Variants in XKR3 observed in about 807,000 individuals in gnomAD.
XKR3 encodes XK-related protein 3.
A neutral mutation model predicts 40.3 loss-of-function variants in XKR3; 27 were observed. The observed-to-expected ratio is 0.67, with a 90% CI of 0.49 to 0.92. XKR3 has a LOEUF of 0.92. XKR3 is among the 40% of genes least tolerant of loss of function. The pLI is 0.00. For synonymous variants in XKR3, 193 were observed against 195.4 expected, an observed-to-expected ratio of 0.99 and a Z score of 0.10; for missense variants, 472 against 537.6, an observed-to-expected ratio of 0.88 and a Z score of 1.21.
chr22:16,807,864 G>A lies in XKR3; in HGVS notation c.210C>T (p.Thr70=), dbSNP rs778912775. The change falls in exon 2 of 4, where the codon ACC becomes ACT. Residue 70 remains threonine, a synonymous_variant. Coordinates refer to ENST00000684488, the MANE Select transcript of XKR3 (RefSeq NM_001386955.1). ...KANDTFWMSF[T]ISFIIVGAIL... ...TTGCCCCCACAATAATAAAGCTGAT[G>A]GTAAATGACATCCAGAATGTGTCAT... 3 of 1,613,942 alleles carry A rather than the reference G, an allele frequency of 1.9e-6. No homozygotes were observed. Among genetic ancestry groups the A allele is most frequent in the Admixed American group, 1.7e-5 (1 of 60,014 alleles).
At chr22:16,813,176 C>T (rs2060219695) in intron 1 of XKR3, among the ~76,000 whole-genome samples, 1 of 151,724 alleles carries the variant, frequency 6.6e-6, no homozygotes, top group African/African-American at 2.4e-5. Context: ...CCCAGCTACT[C>T]GGGAGGCTGA....
At chr22:16,793,143 G>C (rs1293533837) in intron 3 of XKR3, among the ~76,000 whole-genome samples, 2 of 152,186 alleles carry the variant, frequency 1.3e-5, no homozygotes, top group Non-Finnish European at 2.9e-5. Flanking sequence ...CTCCCCAGTA[G>C]CTGGGATTAC....
Position 16,783,893 on chromosome 22 carries a change from G to C in XKR3, c.1106C>G (p.Thr369Ser). The C allele has an allele frequency of 1.2e-6, 2 of 1,614,162 alleles. No homozygotes were observed. The highest frequency in any genetic ancestry group is 2.7e-5 in the African/African-American group (2 of 75,038). Reference sequence around the variant, plus strand: ...TAATGAGTCACAACAATTCAGCAAAGTTTTCCCTCCAAAGAACCTAAATAC... The same window carrying C: ...TAATGAGTCACAACAATTCAGCAAACTTTTCCCTCCAAAGAACCTAAATAC... ...ILVFRFFGGKTLLNCCDSLIA... is the reference protein window; with the variant it reads ...ILVFRFFGGKSLLNCCDSLIA... The change falls in exon 4 of 4, where the codon ACT (threonine) becomes AGT (serine). Residue 369 changes from threonine (T) to serine (S), a missense_variant. By Grantham distance (58) the Thr-to-Ser change is moderately conservative (BLOSUM62 1). Transcript: ENST00000684488.
chr22:16,804,908 A>G (rs2060183506), intron 2 of XKR3, among the ~76,000 whole-genome samples: 2 of 152,232 alleles, frequency 1.3e-5, no homozygotes, highest in Non-Finnish European at 2.9e-5. Context: ...TGGGAACAGT[A>G]TCATAGCCCA....
chr22:16,821,609 T>C (rs2060256277), intron 1 of XKR3: 3 of 152,050 alleles, frequency 2.0e-5, no homozygotes, highest in African/African-American at 7.2e-5. Flanking sequence ...TTTTTTACCT[T>C]ATTTTTTCTC....
intron 3 of XKR3, among the ~76,000 whole-genome samples, chr22:16,785,952 G>A (rs1161358651): frequency 3.9e-5 from 6 of 151,952 alleles, no homozygotes; most frequent in African/African-American, 9.7e-5. Context: ...GTCATTCCTC[G>A]TCTAAATTTA....
rs1443496464 is a variant in XKR3, at chr22:16,792,441, T to A, written c.589+7330A>T. Among the ~76,000 whole-genome samples, 66 of 152,366 alleles carry A rather than the reference T, an allele frequency of 4.3e-4. No individual in the cohort carries two copies. In the East Asian group the frequency reaches 0.012, roughly 27 times the overall value. The stretch of plus-strand genomic sequence containing the variant: ...AATGCCATGAAGCTAGTAGAACTTA[T>A]TTGTAAAAAAATTTCCAACTATAGA... On this transcript the variant is annotated intron_variant, in intron 3 of 3. Coordinates refer to ENST00000684488, the MANE Select transcript of XKR3 (RefSeq NM_001386955.1).
chr22:16,800,098 A>G (rs954664640), intron 2 of XKR3, 74 bp from the exon 3 acceptor site: 2 of 1,527,750 alleles, frequency 1.3e-6, no homozygotes, highest in African/African-American at 2.8e-5. Flanking sequence ...AAAGTTTATC[A>G]GGAGAGGAAC....
Position 16,784,362 on chromosome 22 carries a change from G to A in XKR3, c.637C>T (p.Arg213Cys), listed in dbSNP as rs1482802812. The A allele has an allele frequency of 3.1e-6, 5 of 1,612,542 alleles. No individual in the cohort carries two copies. The highest frequency in any genetic ancestry group is 1.3e-5 in the African/African-American group (1 of 74,906). Residue 213 changes from arginine (R) to cysteine (C), a missense_variant, in exon 4 of 4, where the codon CGC becomes TGC. Arg to Cys is a radical substitution (Grantham distance 180). Transcript: ENST00000684488. ...SLLSVTYGAI[R>C]CNILAIQISN... The stretch of plus-strand genomic sequence containing the variant: ...ATCTGGATGGCCAGTATATTGCAGC[G>A]AATGGCCCCATAAGTAACTGATAAC...
intron 1 of XKR3, among the ~76,000 whole-genome samples, chr22:16,822,791 T>C (rs959370604): frequency 1.1e-4 from 16 of 152,232 alleles, no homozygotes; most frequent in African/African-American, 3.9e-4. Flanking sequence ...TTCTATTTTT[T>C]TCTTTTAACT....
chr22:16,789,526 A>G (rs1569035664), intron 3 of XKR3, among the ~76,000 whole-genome samples: 2 of 152,210 alleles, frequency 1.3e-5, no homozygotes, highest in African/African-American at 4.8e-5. Flanking sequence ...AATTAAAATA[A>G]CATAAATCAA....
chr22:16,823,538 ATAAACT>A (rs991258973), intron 1 of XKR3, among the ~76,000 whole-genome samples: 1 of 152,230 alleles, frequency 6.6e-6, no homozygotes, highest in Non-Finnish European at 1.5e-5. Context: ...AACATTTAAA[ATAAACT>A]TAAACACCTT....
intron 2 of XKR3, among the ~76,000 whole-genome samples, chr22:16,804,743 G>A (rs1002060394): frequency 6.6e-6 from 1 of 152,124 alleles, no homozygotes; most frequent in African/African-American, 2.4e-5. Flanking sequence ...ATAGCCTGGA[G>A]TCCACCCAAC....
At chr22:16,785,261 G>C (rs74570071) in intron 3 of XKR3, among the ~76,000 whole-genome samples, 5,572 of 152,184 alleles carry the variant, frequency 0.037, 189 homozygotes, top group East Asian at 0.17. Context: ...AGCTTGCAGT[G>C]AGCTGAGATC....
intron 2 of XKR3, among the ~76,000 whole-genome samples, chr22:16,803,059 G>A (rs1285929927): frequency 7.0e-6 from 1 of 142,038 alleles, no homozygotes. Context: ...TCTTAAGGTT[G>A]GTAGTGTCCT....
rs1434344576 is a variant in XKR3, at chr22:16,796,906, C to A, written c.589+2865G>T. On this transcript the variant is annotated intron_variant, in intron 3 of 3. Transcript: ENST00000684488. ...TAACAAACCCAGTGATGTTACACTA[C>A]CTGACTTCAAACTACACTTAAAAGC... Among the ~76,000 whole-genome samples the A allele has an allele frequency of 9.9e-5, 15 of 152,278 alleles. No individual in the cohort carries two copies. In the South Asian group the frequency reaches 2.3e-3, roughly 23 times the overall value.
At chr22:16,822,830 G>T (rs1427377948) in intron 1 of XKR3, among the ~76,000 whole-genome samples, 1 of 152,048 alleles carries the variant, frequency 6.6e-6, no homozygotes, top group East Asian at 1.9e-4. Flanking sequence ...TTGCTAACAA[G>T]CATATTAACT....
intron 2 of XKR3, 48 bp from the exon 3 acceptor site, chr22:16,800,072 C>T (rs1321693779): frequency 4.8e-5 from 76 of 1,574,660 alleles, no homozygotes; most frequent in Non-Finnish European, 5.7e-5. Flanking sequence ...TGGTGACAGA[C>T]ATCTAGAAAT....
At position 16,799,792 on chromosome 22, in the gene XKR3, G is replaced by C. The variant is rs562118958; in HGVS notation, c.568C>G (p.Arg190Gly). ...TTACCTCTATTCAAAGGCCATTCTCGTATAGTGAGACTGATATACATCTGC... is the reference window on the plus strand; with the variant it reads ...TTACCTCTATTCAAAGGCCATTCTCCTATAGTGAGACTGATATACATCTGC... ...ILQMYISLTI[R>G]EWPLNRALLM... Residue 190 changes from arginine to glycine, a missense_variant, in exon 3 of 4, where the codon CGA (arginine) becomes GGA (glycine). Transcript: ENST00000684488. 1.2e-6 allele frequency: 2 copies of C among 1,613,894 alleles called. No homozygotes were observed. Among genetic ancestry groups the C allele is most frequent in the Admixed American group, 1.7e-5 (1 of 60,012 alleles).
Sources: allele counts gnomAD v4.1 joint callset (sites outside exome capture counted in the v4.1 genomes callset), GRCh38; gene constraint gnomAD v4.1.1; transcripts MANE v1.5; gene names NCBI Gene and HGNC (gene_info 2026-07-23, HGNC 2026-07-21).